MAN2A1: variants seen among roughly 807,000 people sequenced by gnomAD.
MAN2A1 encodes the protein alpha-mannosidase 2.
In MAN2A1, 76 loss-of-function variants were observed where a neutral mutation model predicts 142.6. The ratio of observed to expected loss-of-function variants is 0.53; its 90% CI spans 0.44 to 0.65. The LOEUF (loss-of-function observed/expected upper bound fraction) is 0.65. MAN2A1 is among the 30% of genes least tolerant of loss of function. MAN2A1 has a pLI of 0.00. For missense variants in MAN2A1, 1,311 were observed against 1,365.1 expected, an observed-to-expected ratio of 0.96 and a Z score of 0.62; for synonymous variants, 559 against 473.2, an observed-to-expected ratio of 1.18 and a Z score of -2.35.
intron 16 of MAN2A1, among the ~76,000 whole-genome samples, chr5:109,841,177 A>G (rs185202198): frequency 7.2e-4 from 109 of 152,304 alleles, no homozygotes; most frequent in African/African-American, 2.1e-3. Flanking sequence ...TTATTGGGGT[A>G]CAGGTGGTAT....
rs189022743 is a variant in MAN2A1 at position 109,782,545 on chromosome 5, T to C, written c.1577+947T>C. Among the ~76,000 whole-genome samples, 93 of 152,298 alleles carry C rather than the reference T, an allele frequency of 6.1e-4. 2 individuals are homozygous for C. In the East Asian group the frequency reaches 0.013, roughly 21 times the overall value. ...AGACCAGTAAAGTAATTCATTTTCA[T>C]GATGAATCTTGATGTTTGAGTTAGA... is the stretch of plus-strand genomic sequence containing the variant. On this transcript the variant is annotated intron_variant, in intron 9 of 21. Coordinates refer to ENST00000261483, the MANE Select transcript of MAN2A1 (RefSeq NM_002372.4).
chr5:109,791,803 G>A (rs76725469), intron 12 of MAN2A1, among the ~76,000 whole-genome samples: 2 of 151,930 alleles, frequency 1.3e-5, no homozygotes, highest in African/African-American at 2.4e-5. Context: ...CCTTAGGGAG[G>A]TGATAATGTA....
chr5:109,789,986 G>A (rs1364764345), intron 12 of MAN2A1, among the ~76,000 whole-genome samples: 1 of 151,798 alleles, frequency 6.6e-6, no homozygotes, highest in African/African-American at 2.4e-5. Context: ...AAACAGCCTT[G>A]TTTTAGCACT....
intron 4 of MAN2A1, among the ~76,000 whole-genome samples, chr5:109,729,960 C>A (rs1751857868): frequency 6.6e-6 from 1 of 152,098 alleles, no homozygotes; most frequent in African/African-American, 2.4e-5. Context: ...CCACTGCACT[C>A]CAGCCTGGGT....
intron 5 of MAN2A1, among the ~76,000 whole-genome samples, chr5:109,767,236 G>A (rs1753016560): frequency 6.6e-6 from 1 of 152,146 alleles, no homozygotes; most frequent in South Asian, 2.1e-4. Flanking sequence ...TCTACCTCTA[G>A]TTAATGGCAG....
chr5:109,860,552 C>A (rs372013396), intron 20 of MAN2A1, among the ~76,000 whole-genome samples: 2 of 152,144 alleles, frequency 1.3e-5, no homozygotes, highest in Non-Finnish European at 2.9e-5. Flanking sequence ...AGAATTTGGC[C>A]AAAGTTATGG....
chr5:109,819,299 A>T (rs1425070627), intron 13 of MAN2A1, among the ~76,000 whole-genome samples: 1 of 152,186 alleles, frequency 6.6e-6, no homozygotes, highest in Non-Finnish European at 1.5e-5. Flanking sequence ...CGATATTTTC[A>T]AATTCTAATT....
intron 1 of MAN2A1, among the ~76,000 whole-genome samples, chr5:109,696,585 G>A (rs1042482008): frequency 9.2e-5 from 14 of 152,164 alleles, no homozygotes; most frequent in East Asian, 1.9e-4. Flanking sequence ...TGTCCTGTGC[G>A]TTGTAGGGTG....
At chr5:109,754,167 T>G (rs924013585) in intron 4 of MAN2A1, among the ~76,000 whole-genome samples, 2 of 152,188 alleles carry the variant, frequency 1.3e-5, no homozygotes, top group African/African-American at 4.8e-5. Flanking sequence ...CTGTCTTGGC[T>G]TCCCAGAGTG....
At chr5:109,828,679 C>T (rs1754825559) in intron 16 of MAN2A1, among the ~76,000 whole-genome samples, 2 of 152,180 alleles carry the variant, frequency 1.3e-5, no homozygotes, top group Non-Finnish European at 2.9e-5. Context: ...TGTGTGTAAA[C>T]CATGTTTTAA....
At chr5:109,845,335 A>C (rs915067732) in intron 17 of MAN2A1, among the ~76,000 whole-genome samples, 2 of 152,202 alleles carry the variant, frequency 1.3e-5, no homozygotes, top group African/African-American at 4.8e-5. Flanking sequence ...AAACTAATCA[A>C]AAAGAGTAAG....
intron 12 of MAN2A1, among the ~76,000 whole-genome samples, chr5:109,800,011 C>T (rs965753641): frequency 1.3e-5 from 2 of 149,708 alleles, no homozygotes; most frequent in South Asian, 2.1e-4. Context: ...TTGCTTGAAC[C>T]GGGGAGGTGG....
At chr5:109,805,974 A>G (rs1165431762) in intron 12 of MAN2A1, among the ~76,000 whole-genome samples, 1 of 152,206 alleles carries the variant, frequency 6.6e-6, no homozygotes, top group Non-Finnish European at 1.5e-5. Flanking sequence ...GTAGTGAAAC[A>G]ACCGCTTGTG....
intron 16 of MAN2A1, among the ~76,000 whole-genome samples, chr5:109,827,160 G>A (rs1265941692): frequency 1.3e-5 from 2 of 152,186 alleles, no homozygotes; most frequent in African/African-American, 4.8e-5. Flanking sequence ...AGGGTTTGGG[G>A]AGAGAGACTA....
chr5:109,814,340 A>T (rs533328136), intron 12 of MAN2A1, among the ~76,000 whole-genome samples: 92 of 152,316 alleles, frequency 6.0e-4, no homozygotes, highest in African/African-American at 2.0e-3. Flanking sequence ...GCAGTATAAC[A>T]AATGTTTGAC....
At chr5:109,830,406 C>G (rs539481261) in intron 16 of MAN2A1, among the ~76,000 whole-genome samples, 1 of 152,314 alleles carries the variant, frequency 6.6e-6, no homozygotes, top group Non-Finnish European at 1.5e-5. Flanking sequence ...CATAAAATCT[C>G]TTGTGCCTGA....
intron 9 of MAN2A1, among the ~76,000 whole-genome samples, chr5:109,783,301 A>C (rs1480423535): frequency 6.6e-6 from 1 of 152,196 alleles, no homozygotes; most frequent in African/African-American, 2.4e-5. Flanking sequence ...GTCTGAAAAT[A>C]GTAATATTTC....
At chr5:109,720,689 C>T (rs555247637) in intron 3 of MAN2A1, among the ~76,000 whole-genome samples, 1 of 152,138 alleles carries the variant, frequency 6.6e-6, no homozygotes, top group Non-Finnish European at 1.5e-5. Context: ...AATAAAATCG[C>T]AAAAAAATTT....
At chr5:109,842,022 AT>A (rs1755218485) in intron 16 of MAN2A1, among the ~76,000 whole-genome samples, 1 of 152,162 alleles carries the variant, frequency 6.6e-6, no homozygotes, top group African/African-American at 2.4e-5. Flanking sequence ...TTTTCATTTC[AT>A]GTCCTGTTTC....
Sources: allele counts gnomAD v4.1 joint callset (sites outside exome capture counted in the v4.1 genomes callset), GRCh38; gene constraint gnomAD v4.1.1; transcripts MANE v1.5; gene names NCBI Gene and HGNC (gene_info 2026-07-23, HGNC 2026-07-21).